SMARCA4: variants seen among roughly 807,000 people sequenced by gnomAD.
SMARCA4 encodes the protein SWI/SNF related BAF chromatin remodeling complex subunit ATPase 4.
Under a neutral mutation model 193.9 loss-of-function variants are expected in SMARCA4, and 31 were observed. The ratio of observed to expected loss-of-function variants is 0.16; its 90% CI spans 0.12 to 0.22. The LOEUF is 0.22. SMARCA4 is among the 10% of genes least tolerant of loss of function. The probability of loss-of-function intolerance (pLI) is 1.00; values close to 1 mark genes in which losing one functional copy is unlikely to be tolerated. For synonymous variants in SMARCA4, 942 were observed against 933.1 expected, an observed-to-expected ratio of 1.01 and a Z score of -0.17; for missense variants, 1,148 against 2,296.0, an observed-to-expected ratio of 0.50 and a Z score of 10.22.
Position 11,056,044 on chromosome 19 carries a change from G to A in SMARCA4, c.4425-2211G>A, listed in dbSNP as rs190265355. Reference sequence around the variant, plus strand: ...GCTGTGCCTTATTGTAACAGGTATAGGGTGGATGCTGCCATCATGAAGAGA... The same window carrying A: ...GCTGTGCCTTATTGTAACAGGTATAAGGTGGATGCTGCCATCATGAAGAGA... On this transcript the variant is annotated intron_variant, in intron 30 of 34. Coordinates refer to ENST00000344626, the MANE Select transcript of SMARCA4 (RefSeq NM_003072.5). 2.2e-3 allele frequency among the ~76,000 whole-genome samples: 333 copies of A among 152,312 alleles called. 1 individual carries two copies. Among genetic ancestry groups the A allele is most frequent in the Middle Eastern group, 0.014 (4 of 294 alleles).
chr19:10,994,037 A>G (rs375130512), intron 8 of SMARCA4, among the ~76,000 whole-genome samples: 4 of 150,842 alleles, frequency 2.7e-5, no homozygotes, highest in African/African-American at 9.7e-5. Flanking sequence ...TTTTTATTTT[A>G]TGTATTATAT....
intron 9 of SMARCA4, 137 bp downstream of exon 9, chr19:10,995,138 C>T (rs760714009): frequency 3.3e-5 from 27 of 821,998 alleles, no homozygotes; most frequent in Admixed American, 1.4e-4. Flanking sequence ...AAAGAGCAGG[C>T]GCGGGCTTGG....
At chr19:10,964,819 G>A (rs565913182) in intron 1 of SMARCA4, among the ~76,000 whole-genome samples, 2 of 152,138 alleles carry the variant, frequency 1.3e-5, no homozygotes, top group Admixed American at 6.6e-5. Context: ...GTTTCACCAT[G>A]TTGGCCAGAA....
chr19:11,030,512 A>G lies in SMARCA4; in HGVS notation c.3383-218A>G, dbSNP rs2074850652. On this transcript the variant is annotated intron_variant, in intron 24 of 34. Coordinates refer to ENST00000344626, the MANE Select transcript of SMARCA4 (RefSeq NM_003072.5). The surrounding 1 kb of genome is among the most constrained non-coding windows in gnomAD (Gnocchi z 5.5). ...AGTTCTCCCAGCGGGGCCTGTTTTC[A>G]TTTCTGGGATGTGTGGAGAGACGTT... is the stretch of plus-strand genomic sequence containing the variant. Among the ~76,000 whole-genome samples, 3 of 152,124 alleles carry G rather than the reference A, an allele frequency of 2.0e-5. No individual in the cohort carries two copies. The highest frequency in any genetic ancestry group is 4.4e-5 in the Non-Finnish European group (3 of 68,026).
intron 16 of SMARCA4, among the ~76,000 whole-genome samples, chr19:11,017,997 C>G (rs759457386): frequency 6.6e-6 from 1 of 152,254 alleles, no homozygotes; most frequent in Non-Finnish European, 1.5e-5. Flanking sequence ...CACGCTTCTT[C>G]AGGAACTCTC....
intron 22 of SMARCA4, among the ~76,000 whole-genome samples, chr19:11,026,003 G>A (rs1030813135): frequency 6.6e-6 from 1 of 152,210 alleles, no homozygotes; most frequent in Admixed American, 6.5e-5. Context: ...GAGCCCCTGG[G>A]GCTGTCTCAG....
intron 1 of SMARCA4, among the ~76,000 whole-genome samples, chr19:10,963,030 G>C (rs2083928768): frequency 6.6e-6 from 1 of 152,122 alleles, no homozygotes; most frequent in Admixed American, 6.6e-5. Context: ...AACTTATGTG[G>C]ATTGAATGAG....
chr19:10,991,334 G>T lies in SMARCA4; in HGVS notation c.1419+11G>T, dbSNP rs772412983. ...CGGCAGAAGCACCAGGTACGCTCCG[G>T]TGGCCCCAAGGCCCTGCAGCCCGCC... On this transcript the variant is annotated intron_variant, in intron 8 of 34. Transcript: ENST00000344626. 5 of 1,579,844 alleles carry T rather than the reference G, an allele frequency of 3.2e-6. No homozygotes were observed. The highest frequency in any genetic ancestry group is 2.7e-5 in the African/African-American group (2 of 74,280).
In SMARCA4 at chr19:11,033,109, G is replaced by C; in HGVS notation, c.3547-181G>C. 1.5e-6 allele frequency: 1 copy of C among 674,572 alleles called. No homozygotes were observed. The highest frequency in any genetic ancestry group is 1.6e-5 in the South Asian group (1 of 64,196). 41.8% of individuals were successfully genotyped at this position (674,572 alleles called of 1,614,324 possible). A position where few individuals can be genotyped will look rare whatever the true frequency, so the allele number is the denominator to read the frequency against. On this transcript the variant is annotated intron_variant, in intron 25 of 34. Coordinates refer to ENST00000344626, the MANE Select transcript of SMARCA4 (RefSeq NM_003072.5). The surrounding 1 kb of genome is among the most constrained non-coding windows in gnomAD (Gnocchi z 9.8). ...CGTGATGAGAGTCCCCTTCCCCCGA[G>C]GGACACATGGCGGCCCAGGCTCCAC...
intron 19 of SMARCA4, among the ~76,000 whole-genome samples, chr19:11,022,844 C>G (rs1821271800): frequency 6.6e-6 from 1 of 152,230 alleles, no homozygotes; most frequent in South Asian, 2.1e-4. Flanking sequence ...CCGGGACCCC[C>G]ACACTAAGGG....
chr19:10,996,106 G>A (rs963323393), intron 9 of SMARCA4, 107 bp from the exon 10 acceptor site: 37 of 1,104,924 alleles, frequency 3.3e-5, no homozygotes, highest in African/African-American at 6.2e-5. Flanking sequence ...CACGGCACCC[G>A]CGTGAGCTAC....
Position 10,989,391 on chromosome 19 carries a change from C to G in SMARCA4, c.1193C>G (p.Thr398Ser), listed in dbSNP as rs2145848812. The G allele has an allele frequency of 1.2e-6, 2 of 1,614,198 alleles. No individual in the cohort carries two copies. Among genetic ancestry groups the G allele is most frequent in the Non-Finnish European group, 1.7e-6 (2 of 1,180,018 alleles). ...GGGTCCCTGGCCGGGGATTTGCGAA[C>G]CAAAGCGACCATTGAGCTCAAGGCC... ...LPGSLAGDLRTKATIELKALR... is the reference protein window; with the variant it reads ...LPGSLAGDLRSKATIELKALR... Residue 398 changes from threonine to serine, a missense_variant, in exon 7 of 35, where the codon ACC (threonine) becomes AGC (serine). This residue lies in a region of SMARCA4 where 69 missense variants were observed against 186.9 expected (regional missense o/e 0.37). Coordinates refer to ENST00000344626, the MANE Select transcript of SMARCA4 (RefSeq NM_003072.5).
intron 11 of SMARCA4, among the ~76,000 whole-genome samples, chr19:11,002,799 CAAAAAAA>C (rs747143883): frequency 5.4e-4 from 45 of 83,684 alleles, no homozygotes; most frequent in Non-Finnish European, 9.4e-4. Flanking sequence ...GACTCCGTCT[CAAAAAAA>C]AAAAAAAAAA....
intron 30 of SMARCA4, among the ~76,000 whole-genome samples, chr19:11,049,776 C>T (rs889580919): frequency 1.8e-4 from 27 of 152,294 alleles, no homozygotes; most frequent in African/African-American, 5.8e-4. Context: ...AGCCTGCCTG[C>T]GACAGTGATA....
chr19:11,010,516 C>T lies in SMARCA4; in HGVS notation c.2259C>T (p.Val753=), dbSNP rs1060504440. ...AGTCAGCGCTTATGGTCAATGGTGT[C>T]CTCAAACAGTACCAGGTGAGGTAGG... ...DKQSALMVNG[V]LKQYQIKGLE... The change falls in exon 15 of 35, where the codon GTC becomes GTT. Residue 753 remains valine (V), a synonymous_variant. Coordinates refer to ENST00000344626, the MANE Select transcript of SMARCA4 (RefSeq NM_003072.5). The T allele has an allele frequency of 1.2e-6, 2 of 1,613,874 alleles. No homozygotes were observed. Among genetic ancestry groups the T allele is most frequent in the Non-Finnish European group, 1.7e-6 (2 of 1,180,002 alleles).
In SMARCA4 at chr19:11,058,106, CAAAAA is replaced by C; in HGVS notation, c.4425-140_4425-136del. On this transcript the variant is annotated intron_variant, in intron 30 of 34. Coordinates refer to ENST00000344626, the MANE Select transcript of SMARCA4 (RefSeq NM_003072.5). This position sits in a 1 kb window ranked among gnomAD's most constrained non-coding sequence, Gnocchi z 5.8. ...GGGCAGCAAGAGCGAAACTCCGTCT[CAAAAA>C]AAAAAAAAGCGCATGTGCAAGAAAT... is the stretch of plus-strand genomic sequence containing the variant. 1.8e-6 allele frequency: 1 copy of C among 545,428 alleles called. No homozygotes were observed. The highest frequency in any genetic ancestry group is 3.2e-6 in the Non-Finnish European group (1 of 310,418). The allele number at this position is 545,428 out of a possible 1,614,324, so 33.8% of individuals were successfully genotyped here. A position where few individuals can be genotyped will look rare whatever the true frequency, so the allele number is the denominator to read the frequency against.
chr19:10,967,089 T>C (rs1332146997), intron 1 of SMARCA4, among the ~76,000 whole-genome samples: 1 of 152,156 alleles, frequency 6.6e-6, no homozygotes, highest in Non-Finnish European at 1.5e-5. Context: ...AAGTTTTCTG[T>C]TAACTGCATC....
At chr19:11,011,127 G>A (rs1049455615) in intron 15 of SMARCA4, 34 of 178,266 alleles carry the variant, frequency 1.9e-4, no homozygotes, top group African/African-American at 7.0e-4. Context: ...CTCTTAATGC[G>A]GCCTGCCATC....
intron 1 of SMARCA4, among the ~76,000 whole-genome samples, chr19:10,965,466 G>C (rs58244592): frequency 6.6e-6 from 1 of 152,206 alleles, no homozygotes; most frequent in South Asian, 2.1e-4. Context: ...TTTTCCTCTA[G>C]TCATAAGTTC....
Sources: gnomAD v4.1 joint callset for allele counts (sites outside exome capture counted in the v4.1 genomes callset) on GRCh38, gnomAD v4.1.1 for gene constraint, gnomAD v4.1.1 regional missense constraint, Gnocchi (gnomAD v3.1) non-coding constraint, MANE v1.5 for transcripts, NCBI Gene and HGNC (gene_info 2026-07-23, HGNC 2026-07-21) for gene names.